FAM153A: variants seen among roughly 807,000 people sequenced by gnomAD.
FAM153A encodes the protein family with sequence similarity 153 member A.
A neutral mutation model predicts 48.1 loss-of-function variants in FAM153A; 12 were observed. The ratio of observed to expected loss-of-function variants is 0.25; its 90% CI spans 0.16 to 0.40. The LOEUF (loss-of-function observed/expected upper bound fraction) is 0.40, where lower values mean the gene tolerates loss of function less well. Among genes scored for constraint, FAM153A ranks in the 10% least tolerant of loss-of-function variants. FAM153A has a pLI of 1.00. For synonymous variants in FAM153A, 36 were observed against 118.2 expected, an observed-to-expected ratio of 0.30 and a Z score of 4.51; for missense variants, 111 against 345.8, an observed-to-expected ratio of 0.32 and a Z score of 5.38.
At chr5:177,781,289 G>GT (rs1769634697), upstream of FAM153A, among the ~76,000 whole-genome samples, 1 of 47,874 alleles carries the variant, frequency 2.1e-5, no homozygotes, top group Non-Finnish European at 4.2e-5. Flanking sequence ...TTTTTTTTTT[G>GT]TATTTTTAGT....
intron 18 of FAM153A, among the ~76,000 whole-genome samples, chr5:177,725,455 C>G (rs1212526109): frequency 6.7e-6 from 1 of 149,978 alleles, no homozygotes; most frequent in African/African-American, 2.5e-5. Flanking sequence ...TCAAAAGAAT[C>G]CCAGCAGCTT....
At chr5:177,709,133 GAAAGAA>G (rs1758143859), downstream of FAM153A, among the ~76,000 whole-genome samples, 1 of 60,604 alleles carries the variant, frequency 1.7e-5, no homozygotes, top group Non-Finnish European at 3.3e-5. Flanking sequence ...AAAAAAAAAA[GAAAGAA>G]AAGCCTAGTT....
chr5:177,713,490 C>T (rs1051328129), intron 26 of FAM153A, among the ~76,000 whole-genome samples: 1 of 151,582 alleles, frequency 6.6e-6, no homozygotes, highest in Non-Finnish European at 1.5e-5. Flanking sequence ...ATCTCCTGAC[C>T]TCGTGATCCG....
intron 25 of FAM153A, among the ~76,000 whole-genome samples, chr5:177,715,987 CTT>C (rs760706889): frequency 4.2e-5 from 6 of 141,188 alleles, no homozygotes; most frequent in East Asian, 2.0e-4. Context: ...AGATTAAATA[CTT>C]TTTTTTTTTT....
the FAM153A span, among the ~76,000 whole-genome samples, chr5:177,700,490 G>C: frequency 6.6e-6 from 1 of 151,850 alleles, no homozygotes; most frequent in African/African-American, 2.4e-5. Flanking sequence ...AAGGTTTCAG[G>C]ATACAGGACC....
chr5:177,705,890 C>T (rs544776863), downstream of FAM153A, among the ~76,000 whole-genome samples: 433 of 151,656 alleles, frequency 2.9e-3, 3 homozygotes, highest in Middle Eastern at 6.8e-3. Context: ...GAACTCCTGA[C>T]CTCGTGATCT....
rs1236821681 is a variant in FAM153A, at chr5:177,759,814, T to TG, written c.-56-11116dup. The stretch of plus-strand genomic sequence containing the variant: ...GAGCATCACACACCGGGGCCTGTTG[T>TG]GGGGGGGAGGGATAGCATTAGGAGA... On this transcript the variant is annotated intron_variant, in intron 1 of 8. Coordinates refer to the FAM153A transcript ENST00000393518. 4.1e-5 allele frequency among the ~76,000 whole-genome samples: 6 copies of TG among 145,690 alleles called. No individual in the cohort carries two copies. The Admixed American group carries it at 4.1e-4, about 10-fold the overall frequency.
chr5:177,716,663 T>C (rs965399368), intron 24 of FAM153A, among the ~76,000 whole-genome samples: 2 of 151,878 alleles, frequency 1.3e-5, no homozygotes, highest in African/African-American at 4.9e-5. Context: ...AGTCACTATT[T>C]AGTAAAATGA....
exon 10 of FAM153A, chr5:177,739,118 G>C: frequency 1.2e-6 from 2 of 1,612,976 alleles, no homozygotes; most frequent in Non-Finnish European, 1.7e-6. Context: ...CATACCGTTG[G>C]TTTGGGTGCC....
Position 177,752,858 on chromosome 5 carries a change from G to A in FAM153A, c.31+318C>T, listed in dbSNP as rs1215653433. On this transcript the variant is annotated intron_variant, in intron 1 of 20. Transcript: ENST00000614127. ...CAGGAGAATTGCTTAAACCTGGGAG[G>A]TGGAGGTTGCTGTGAGTCATTATCA... Among the ~76,000 whole-genome samples, 4 of 136,342 alleles carry A rather than the reference G, an allele frequency of 2.9e-5. No individual in the cohort carries two copies. The South Asian group carries it at 9.7e-4, about 33-fold the overall frequency. 89.4% of individuals were successfully genotyped at this position (136,342 alleles called of 152,430 possible).
At chr5:177,697,058 GTTTTCCA>G in the FAM153A span, among the ~76,000 whole-genome samples, 1 of 151,796 alleles carries the variant, frequency 6.6e-6, no homozygotes, top group African/African-American at 2.4e-5. Flanking sequence ...ACAAGATTGA[GTTTTCCA>G]ATCCATAAAT....
At chr5:177,722,877 C>CGGG (rs200043727), downstream of FAM153A, 2,025 of 145,496 alleles carry the variant, frequency 0.014, no homozygotes, top group Middle Eastern at 0.026. Context: ...CACACAGAAA[C>CGGG]GGAATTTCAA....
chr5:177,739,235 A>G, intron 9 of FAM153A, 98 bp from the exon 12 acceptor site: 1 of 1,335,166 alleles, frequency 7.5e-7, no homozygotes, highest in Non-Finnish European at 1.1e-6. Context: ...ACCAGATGGG[A>G]AATTCTGGTG....
intron 24 of FAM153A, among the ~76,000 whole-genome samples, chr5:177,717,000 T>TGTGTGTGTGTGTGTGTG (rs1561866638): frequency 6.7e-6 from 1 of 150,126 alleles, no homozygotes; most frequent in Non-Finnish European, 1.5e-5. Context: ...TGTGTGTGTG[T>TGTGTGTGTGTGTGTGTG]AGAGTCTGGT....
chr5:177,710,564 A>G (rs1297605148), downstream of FAM153A, among the ~76,000 whole-genome samples: 1 of 150,872 alleles, frequency 6.6e-6, no homozygotes, highest in African/African-American at 2.5e-5. Flanking sequence ...TGGATTGCCA[A>G]CATTGCAGCT....
At chr5:177,758,769 C>G (rs1213418373) in intron 1 of FAM153A, among the ~76,000 whole-genome samples, 1 of 147,566 alleles carries the variant, frequency 6.8e-6, no homozygotes, top group Non-Finnish European at 1.5e-5. Flanking sequence ...AACTGGCTAG[C>G]CATATGTAGA....
At chr5:177,700,312 A>G in the FAM153A span, among the ~76,000 whole-genome samples, 2 of 151,960 alleles carry the variant, frequency 1.3e-5, no homozygotes, top group African/African-American at 2.4e-5. Flanking sequence ...CATTATTTCT[A>G]TTAATATTGT....
intron 13 of FAM153A, 87 bp downstream of exon 15, chr5:177,734,776 T>G (rs28418916): frequency 2.9e-5 from 46 of 1,609,730 alleles, no homozygotes; most frequent in African/African-American, 4.1e-5. Context: ...GATATATATC[T>G]TCAGATTCTC....
At chr5:177,708,688 G>A (rs373985491), downstream of FAM153A, among the ~76,000 whole-genome samples, 4 of 152,024 alleles carry the variant, frequency 2.6e-5, no homozygotes, top group Non-Finnish European at 5.9e-5. Context: ...ATATAAGTCT[G>A]ATCTTTTTTT....
Sources: gnomAD v4.1 joint callset for allele counts (sites outside exome capture counted in the v4.1 genomes callset) on GRCh38, gnomAD v4.1.1 for gene constraint, MANE v1.5 for transcripts, NCBI Gene and HGNC (gene_info 2026-07-23, HGNC 2026-07-21) for gene names.